Variants in SBF2 observed in about 807,000 individuals in gnomAD.
SBF2 encodes myotubularin-related protein 13.
SBF2 carries 112 observed loss-of-function variants against 225.2 expected under a neutral mutation model. The ratio of observed to expected loss-of-function variants is 0.50; its 90% CI spans 0.43 to 0.58. The LOEUF is 0.58. Among genes scored for constraint, SBF2 ranks in the 20% least tolerant of loss-of-function variants. The pLI is 0.00. For synonymous variants in SBF2, 763 were observed against 773.3 expected (o/e 0.99, Z 0.22); for missense variants, 1,996 against 2,206.2 (o/e 0.90, Z 1.91).
At chr11:9,867,306 T>C (rs7950839) in intron 17 of SBF2, among the ~76,000 whole-genome samples, 54,211 of 151,854 alleles carry the variant, frequency 0.36, 10,175 homozygotes, top group African/African-American at 0.48. Flanking sequence ...GGAGATATTA[T>C]CTCGTCCCAG....
At position 10,303,009 on chromosome 11, in the gene SBF2, C is replaced by T. The variant is rs1487644206; in HGVS notation, n.386+1483G>A. On this transcript the variant is annotated intron_variant and non_coding_transcript_variant, in intron 1 of 5. Transcript: ENST00000685217. This position sits in a 1 kb window ranked among gnomAD's most constrained non-coding sequence, Gnocchi z 5.2. Reference sequence around the variant, plus strand: ...GAAGCTGGCGACAAGTAGGTCGCATCCTCAGAGCGACTGATAGCCAGTCCT... The same window carrying T: ...GAAGCTGGCGACAAGTAGGTCGCATTCTCAGAGCGACTGATAGCCAGTCCT... The T allele has an allele frequency of 6.6e-6, 1 of 152,288 alleles. No individual in the cohort carries two copies. The highest frequency in any genetic ancestry group is 2.4e-5 in the African/African-American group (1 of 41,478). The allele number at this position is 152,288 out of a possible 1,614,324, so 9.4% of individuals were successfully genotyped here. A position where few individuals can be genotyped will look rare whatever the true frequency, so the allele number is the denominator to read the frequency against.
intron 17 of SBF2, among the ~76,000 whole-genome samples, chr11:9,886,933 G>A (rs549777207): frequency 2.0e-5 from 3 of 152,162 alleles, no homozygotes; most frequent in East Asian, 1.9e-4. Flanking sequence ...CTCTGTAAGC[G>A]TGTGTATTTA....
intron 24 of SBF2, among the ~76,000 whole-genome samples, chr11:9,844,555 T>C (rs1367663856): frequency 6.6e-6 from 1 of 152,220 alleles, no homozygotes; most frequent in Non-Finnish European, 1.5e-5. Context: ...AAATAAGGGT[T>C]CATACTAAAG....
chr11:9,827,977 T>C (rs545086021), intron 28 of SBF2: 91 of 375,946 alleles, frequency 2.4e-4, no homozygotes, highest in Admixed American at 1.2e-3. Context: ...GTCATCATGC[T>C]AGTAATACAT....
At chr11:9,992,165 T>C (rs532857413) in intron 12 of SBF2, among the ~76,000 whole-genome samples, 65 of 152,294 alleles carry the variant, frequency 4.3e-4, no homozygotes, top group African/African-American at 1.5e-3. Flanking sequence ...CTGAGTAGTA[T>C]ACATTGTTCA....
chr11:9,896,989 T>C (rs531121163), intron 16 of SBF2, among the ~76,000 whole-genome samples: 8 of 152,192 alleles, frequency 5.3e-5, no homozygotes, highest in Admixed American at 5.2e-4. Context: ...AGAATTACTG[T>C]ATATTACAGT....
chr11:9,923,711 T>A (rs1281261598), intron 16 of SBF2, among the ~76,000 whole-genome samples: 2 of 152,222 alleles, frequency 1.3e-5, no homozygotes, highest in South Asian at 4.1e-4. Flanking sequence ...CAGTAAACTT[T>A]GGAATGTAAC....
Position 10,134,128 on chromosome 11 carries a change from T to C in SBF2, c.141+59774A>G, listed in dbSNP as rs183179248. 1.1e-4 allele frequency among the ~76,000 whole-genome samples: 16 copies of C among 152,242 alleles called. No individual in the cohort carries two copies. The East Asian group carries it at 2.9e-3, about 28-fold the overall frequency. On this transcript the variant is annotated intron_variant, in intron 2 of 39. Transcript: ENST00000256190. ...CAATCATGGCAGAAGGTGAAAGGCATATCTCACATGGCGGCAGACAAGAGA... is the reference window on the plus strand; with the variant it reads ...CAATCATGGCAGAAGGTGAAAGGCACATCTCACATGGCGGCAGACAAGAGA...
chr11:10,031,299 C>G, intron 3 of SBF2, 129 bp from the exon 4 acceptor site: 1 of 875,416 alleles, frequency 1.1e-6, no homozygotes, highest in Non-Finnish European at 1.7e-6. Flanking sequence ...TTTTAAAAAT[C>G]AAACTACAAA....
At chr11:10,030,980 G>GT in intron 4 of SBF2, 68 bp downstream of exon 4, 2 of 1,352,118 alleles carry the variant, frequency 1.5e-6, no homozygotes, top group South Asian at 2.4e-5. Flanking sequence ...CAAAGAACTT[G>GT]TACCATGGTT....
At chr11:9,785,367 T>TACTGACTG (rs71453928) in intron 36 of SBF2, 49 bp from the exon 37 acceptor site, 1 of 1,393,224 alleles carries the variant, frequency 7.2e-7, no homozygotes, top group East Asian at 2.3e-5. Flanking sequence ...ACACTTAAAC[T>TACTGACTG]ACTGACTGGA....
intron 4 of SBF2, among the ~76,000 whole-genome samples, chr11:10,030,165 T>G (rs749800557): frequency 1.2e-4 from 18 of 152,214 alleles, no homozygotes; most frequent in Non-Finnish European, 2.4e-4. Context: ...TAATACTGTT[T>G]TTGCCTCAAC....
chr11:10,154,817 A>C (rs918006210), intron 2 of SBF2, among the ~76,000 whole-genome samples: 3 of 152,296 alleles, frequency 2.0e-5, no homozygotes, highest in East Asian at 3.9e-4. Flanking sequence ...AAATCACCTT[A>C]ATCCAATCAG....
Position 9,981,667 on chromosome 11 carries a change from T to C in SBF2, c.1395+7830A>G, listed in dbSNP as rs564682933. On this transcript the variant is annotated intron_variant, in intron 13 of 39. Transcript: ENST00000256190. ...TTAATCTTTGGATGCCAATATTATATTTAAATCAATGATATGGCTTTAAAT... is the reference window on the plus strand; with the variant it reads ...TTAATCTTTGGATGCCAATATTATACTTAAATCAATGATATGGCTTTAAAT... Among the ~76,000 whole-genome samples, 14 of 152,180 alleles carry C rather than the reference T, an allele frequency of 9.2e-5. No individual in the cohort carries two copies. The South Asian group carries it at 1.0e-3, about 11-fold the overall frequency.
chr11:10,244,423 G>A (rs1591296075), intron 1 of SBF2, among the ~76,000 whole-genome samples: 1 of 152,172 alleles, frequency 6.6e-6, no homozygotes, highest in Non-Finnish European at 1.5e-5. Context: ...GATCAGTTGA[G>A]TATATGCATG....
At chr11:9,837,449 ACTT>A (rs1370224491) in intron 26 of SBF2, among the ~76,000 whole-genome samples, 2 of 152,194 alleles carry the variant, frequency 1.3e-5, no homozygotes, top group Non-Finnish European at 2.9e-5. Flanking sequence ...TATATAATAA[ACTT>A]CTTTTTAATT....
intron 2 of SBF2, among the ~76,000 whole-genome samples, chr11:10,150,005 G>GT (rs1387214975): frequency 6.6e-6 from 1 of 152,124 alleles, no homozygotes. Flanking sequence ...TCGAGAGCTA[G>GT]TATCATGGCC....
chr11:9,808,507 C>A, intron 31 of SBF2: 1 of 447,622 alleles, frequency 2.2e-6, no homozygotes, highest in Non-Finnish European at 4.1e-6. Flanking sequence ...TACTTTTTGG[C>A]AGATGCAGAT....
In SBF2 at chr11:9,853,771, T is replaced by C. The variant is rs370731414; in HGVS notation, c.2364-59A>G. ...ACTTAAATGCAACAAATGACTACTA[T>C]ATAGTAGTCAATTTACATAGCGACA... On this transcript the variant is annotated intron_variant, in intron 19 of 39. Transcript: ENST00000256190. The C allele has an allele frequency of 4.1e-6, 6 of 1,470,242 alleles. No homozygotes were observed. In the African/African-American group the frequency reaches 5.5e-5, roughly 14 times the overall value. The allele number at this position is 1,470,242 out of a possible 1,614,324, so 91.1% of individuals were successfully genotyped here.
Sources: allele counts gnomAD v4.1 joint callset (sites outside exome capture counted in the v4.1 genomes callset), GRCh38; gene constraint gnomAD v4.1.1; non-coding constraint Gnocchi (gnomAD v3.1); transcripts MANE v1.5; gene names NCBI Gene and HGNC (gene_info 2026-07-23, HGNC 2026-07-21).